Variants in MTUS2 observed in about 807,000 individuals in gnomAD.
MTUS2 encodes the protein microtubule associated scaffold protein 2.
A neutral mutation model predicts 114.1 loss-of-function variants in MTUS2; 40 were observed. The observed-to-expected ratio is 0.35, with a 90% CI of 0.27 to 0.46. MTUS2 has a LOEUF of 0.46. Among genes scored for constraint, MTUS2 ranks in the 20% least tolerant of loss-of-function variants. MTUS2 has a pLI of 1.00. For synonymous variants in MTUS2, 688 were observed against 672.0 expected, an observed-to-expected ratio of 1.02 and a Z score of -0.37; for missense variants, 1,679 against 1,705.4, an observed-to-expected ratio of 0.98 and a Z score of 0.27.
At chr13:28,825,075 C>A (rs1215531614) in intron 1 of MTUS2, among the ~76,000 whole-genome samples, 3 of 152,178 alleles carry the variant, frequency 2.0e-5, no homozygotes, top group African/African-American at 7.2e-5. Context: ...TCATGGCCAG[C>A]TTTTCCTCAT....
At chr13:29,315,840 T>C (rs1386402965) in intron 6 of MTUS2, among the ~76,000 whole-genome samples, 1 of 152,096 alleles carries the variant, frequency 6.6e-6, no homozygotes, top group Admixed American at 6.6e-5. Flanking sequence ...TATGAATTGA[T>C]AGAGAGGCAA....
At chr13:28,874,654 G>A (rs1226785303) in intron 2 of MTUS2, among the ~76,000 whole-genome samples, 1 of 152,138 alleles carries the variant, frequency 6.6e-6, no homozygotes, top group South Asian at 2.1e-4. Context: ...CCGTCCAAGA[G>A]GCCAAGGTAG....
intron 6 of MTUS2, among the ~76,000 whole-genome samples, chr13:29,292,880 A>G (rs904330458): frequency 6.6e-6 from 1 of 152,148 alleles, no homozygotes; most frequent in Admixed American, 6.5e-5. Flanking sequence ...ACTCAAGGGA[A>G]AAAAAGAGCC....
rs749360854 is a variant in MTUS2, at chr13:29,480,180, A to G, written c.3215A>G (p.Gln1072Arg). 4.5e-6 allele frequency: 7 copies of G among 1,556,094 alleles called. No homozygotes were observed. The Admixed American group carries it at 9.7e-5, about 22-fold the overall frequency. The stretch of plus-strand genomic sequence containing the variant: ...CATACAGCAAAGTGCGAGAAACTAC[A>G]AAAGGAGAAGGAGGAGCTGGAGAGG... ...AFHTAKCEKL[Q>R]KEKEELERRF... The change falls in exon 10 of 16, where the codon CAA (glutamine) becomes CGA (arginine). Residue 1072 changes from glutamine (Q) to arginine (R), a missense_variant. By Grantham distance (43) the Gln-to-Arg change is conservative. Coordinates refer to ENST00000612955, the MANE Select transcript of MTUS2 (RefSeq NM_001033602.4). The surrounding 1 kb of genome is among the most constrained non-coding windows in gnomAD (Gnocchi z 4.4).
chr13:28,986,157 G>A (rs1301057243), intron 2 of MTUS2, among the ~76,000 whole-genome samples: 2 of 151,994 alleles, frequency 1.3e-5, no homozygotes, highest in African/African-American at 4.8e-5. Flanking sequence ...CCAGGCTTGG[G>A]TGGTTGGGAG....
intron 2 of MTUS2, among the ~76,000 whole-genome samples, chr13:28,855,332 G>A (rs1436198442): frequency 6.6e-6 from 1 of 152,088 alleles, no homozygotes; most frequent in East Asian, 1.9e-4. Flanking sequence ...GTAAACGTGT[G>A]CAATGGTGGT....
intron 5 of MTUS2, among the ~76,000 whole-genome samples, chr13:29,169,160 T>C (rs1343078475): frequency 6.6e-6 from 1 of 152,164 alleles, no homozygotes; most frequent in Non-Finnish European, 1.5e-5. Context: ...TTTCATAAAC[T>C]GCATAGATGT....
At chr13:29,450,032 C>T (rs750246931) in intron 9 of MTUS2, among the ~76,000 whole-genome samples, 2 of 152,130 alleles carry the variant, frequency 1.3e-5, no homozygotes, top group Non-Finnish European at 2.9e-5. Context: ...ACCATGATGC[C>T]CCCCGACCAC....
In MTUS2 at chr13:29,031,237, G is replaced by GTGTGTGTGTGTGTGTGTGT. The variant is rs1555287203; in HGVS notation, c.2206-2648_2206-2647insTGTGTGTGTGTGTGTGTGT. 7.3e-5 allele frequency among the ~76,000 whole-genome samples: 9 copies of GTGTGTGTGTGTGTGTGTGT among 122,964 alleles called. No individual in the cohort carries two copies. In the East Asian group the frequency reaches 1.8e-3, roughly 25 times the overall value. The allele number at this position is 122,964 out of a possible 152,430, so 80.7% of individuals were successfully genotyped here. A position where few individuals can be genotyped will look rare whatever the true frequency, so the allele number is the denominator to read the frequency against. On this transcript the variant is annotated intron_variant, in intron 3 of 15. Transcript: ENST00000612955. Reference sequence around the variant, plus strand: ...GTTTGCCAGACAAATAGAACTAATAGGTGTGTGTGTGTGTGTGTGTGTGTG... The same window carrying GTGTGTGTGTGTGTGTGTGT: ...GTTTGCCAGACAAATAGAACTAATAGTGTGTGTGTGTGTGTGTGTGTGTGTGTGTGTGTGTGTGTGTGTG...
At chr13:29,099,277 C>G (rs1890309780) in intron 4 of MTUS2, among the ~76,000 whole-genome samples, 1 of 152,180 alleles carries the variant, frequency 6.6e-6, no homozygotes, top group African/African-American at 2.4e-5. Flanking sequence ...CTAGGACAGG[C>G]TTGAGTTGGG....
chr13:29,493,194 C>T (rs1056062894), intron 12 of MTUS2, among the ~76,000 whole-genome samples: 1 of 152,194 alleles, frequency 6.6e-6, no homozygotes, highest in African/African-American at 2.4e-5. Context: ...CCTTCTCTTC[C>T]TCTCACTGCC....
At position 29,070,360 on chromosome 13, in the gene MTUS2, T is replaced by G. The variant is rs116061097; in HGVS notation, c.2447-30413T>G. Among the ~76,000 whole-genome samples, 836 of 152,318 alleles carry G rather than the reference T, an allele frequency of 5.5e-3. 4 individuals carry two copies. The highest frequency in any genetic ancestry group is 0.018 in the African/African-American group (751 of 41,568). Reference sequence around the variant, plus strand: ...AAGAGAGAGTTCAAAGAAAGCAAACTTGCAGAATGTTAATATTTTTGAAAT... The same window carrying G: ...AAGAGAGAGTTCAAAGAAAGCAAACGTGCAGAATGTTAATATTTTTGAAAT... On this transcript the variant is annotated intron_variant, in intron 4 of 15. Transcript: ENST00000612955.
intron 7 of MTUS2, among the ~76,000 whole-genome samples, chr13:29,325,182 G>A (rs549544532): frequency 6.6e-6 from 1 of 152,196 alleles, no homozygotes; most frequent in African/African-American, 2.4e-5. Context: ...CTGGCCAGGC[G>A]TGGTGGCTCA....
chr13:29,050,668 G>A (rs1041437681), intron 4 of MTUS2, among the ~76,000 whole-genome samples: 20 of 152,152 alleles, frequency 1.3e-4, no homozygotes, highest in African/African-American at 3.4e-4. Flanking sequence ...GGTTCTACCC[G>A]TGTCCTGTGT....
intron 2 of MTUS2, among the ~76,000 whole-genome samples, chr13:28,885,145 C>T (rs1447376751): frequency 6.6e-6 from 1 of 152,154 alleles, no homozygotes; most frequent in Non-Finnish European, 1.5e-5. Context: ...TTAGGAAAAG[C>T]ATCATTCATA....
chr13:28,838,739 T>G (rs1875264797), intron 1 of MTUS2, among the ~76,000 whole-genome samples: 1 of 152,152 alleles, frequency 6.6e-6, no homozygotes, highest in East Asian at 1.9e-4. Context: ...AAAAGAGTCT[T>G]ATGTTGCAAG....
intron 5 of MTUS2, among the ~76,000 whole-genome samples, chr13:29,159,880 C>T (rs1260293543): frequency 1.3e-5 from 2 of 152,188 alleles, no homozygotes; most frequent in Non-Finnish European, 2.9e-5. Context: ...TAGGCTCCAC[C>T]TGTGTTGCCG....
chr13:29,198,608 A>C (rs1287023380), intron 5 of MTUS2, among the ~76,000 whole-genome samples: 2 of 152,200 alleles, frequency 1.3e-5, no homozygotes, highest in African/African-American at 2.4e-5. Flanking sequence ...CTGTGAAGAA[A>C]GTCAATGGTA....
At chr13:29,341,001 T>C (rs965176338) in intron 7 of MTUS2, among the ~76,000 whole-genome samples, 1 of 152,242 alleles carries the variant, frequency 6.6e-6, no homozygotes, top group African/African-American at 2.4e-5. Flanking sequence ...TAAGGCTGAT[T>C]AGTATTTCAT....
Sources: gnomAD v4.1 joint callset for allele counts (sites outside exome capture counted in the v4.1 genomes callset) on GRCh38, gnomAD v4.1.1 for gene constraint, Gnocchi (gnomAD v3.1) non-coding constraint, MANE v1.5 for transcripts, NCBI Gene and HGNC (gene_info 2026-07-23, HGNC 2026-07-21) for gene names.